The following GARIN1B variants were observed in gnomAD, a reference collection of about 807,000 sequenced individuals.
GARIN1B encodes the protein Golgi-associated RAB2 interactor protein 1B.
At chr7:128,713,179 C>T in the GARIN1B span, among the ~76,000 whole-genome samples, 1 of 151,930 alleles carries the variant, frequency 6.6e-6, no homozygotes, top group Non-Finnish European at 1.5e-5. Context: ...TGGTGCTGCA[C>T]GTTTGTAATC....
At chr7:128,713,910 G>GAAA in the GARIN1B span, 2 of 1,307,352 alleles carry the variant, frequency 1.5e-6, no homozygotes, top group Non-Finnish European at 2.1e-6. Flanking sequence ...TGTGCTGTGT[G>GAAA]TTCCCTTTCT....
the GARIN1B span, among the ~76,000 whole-genome samples, chr7:128,709,702 G>A: frequency 6.8e-6 from 1 of 148,116 alleles, no homozygotes; most frequent in African/African-American, 2.5e-5. Context: ...GTTTTCCAGT[G>A]GAAACCAGAA....
the GARIN1B span, chr7:128,714,227 A>C: frequency 1.6e-6 from 2 of 1,246,816 alleles, no homozygotes; most frequent in Non-Finnish European, 2.3e-6. Flanking sequence ...AATGATTGTC[A>C]AACTCTGTCT....
chr7:128,710,161 C>T, the GARIN1B span, among the ~76,000 whole-genome samples: 2 of 152,078 alleles, frequency 1.3e-5, no homozygotes, highest in African/African-American at 4.8e-5. Flanking sequence ...GTGATCTGCC[C>T]GCCTCAGCCT....
chr7:128,716,767 C>T, the GARIN1B span: 12 of 1,521,830 alleles, frequency 7.9e-6, no homozygotes, highest in Non-Finnish European at 9.8e-6. Context: ...AAACAGACTG[C>T]AGCTTTTGCC....
chr7:128,725,438 C>T, the GARIN1B span, among the ~76,000 whole-genome samples: 1 of 152,012 alleles, frequency 6.6e-6, no homozygotes, highest in Admixed American at 6.6e-5. Flanking sequence ...GCAGTGGCAT[C>T]TCAGCTCACT....
the GARIN1B span, among the ~76,000 whole-genome samples, chr7:128,723,890 G>A: frequency 6.6e-6 from 1 of 152,208 alleles, no homozygotes; most frequent in Admixed American, 6.5e-5. Context: ...CACACAGCAA[G>A]CATGGTGGGC....
the GARIN1B span, chr7:128,726,872 G>A: frequency 1.2e-6 from 2 of 1,613,794 alleles, no homozygotes; most frequent in Non-Finnish European, 1.7e-6. Context: ...AACAGCTCAG[G>A]TAAGGGAGGG....
chr7:128,712,195 G>A, the GARIN1B span, among the ~76,000 whole-genome samples: 1 of 152,096 alleles, frequency 6.6e-6, no homozygotes, highest in Non-Finnish European at 1.5e-5. Context: ...AAAGCTTCAG[G>A]GCCTCTAATT....
chr7:128,719,176 C>A, the GARIN1B span: 1 of 1,376,684 alleles, frequency 7.3e-7, no homozygotes, highest in Non-Finnish European at 1.0e-6. Flanking sequence ...TGAAGGTGAT[C>A]TCAGTGTGAG....
the GARIN1B span, among the ~76,000 whole-genome samples, chr7:128,719,237 C>A: frequency 6.6e-6 from 1 of 151,860 alleles, no homozygotes; most frequent in East Asian, 1.9e-4. Context: ...TAAAATCCAC[C>A]ATTGTGGATT....
At chr7:128,717,111 T>C in the GARIN1B span, 1 of 1,008,794 alleles carries the variant, frequency 9.9e-7, no homozygotes, top group South Asian at 1.8e-5. Context: ...GCAGTGACAT[T>C]GATTTTTTTA....
chr7:128,729,009 G>A, the GARIN1B span, among the ~76,000 whole-genome samples: 1 of 152,200 alleles, frequency 6.6e-6, no homozygotes. Context: ...ACAGATGTGA[G>A]GAATATTTCA....
chr7:128,715,578 C>T, the GARIN1B span: 33 of 1,613,962 alleles, frequency 2.0e-5, no homozygotes, highest in East Asian at 1.6e-4. Context: ...GATGGAGAGC[C>T]GAACCCTGGA....
At chr7:128,727,938 C>T in the GARIN1B span, among the ~76,000 whole-genome samples, 1 of 152,204 alleles carries the variant, frequency 6.6e-6, no homozygotes, top group Non-Finnish European at 1.5e-5. Flanking sequence ...CAATTATCCA[C>T]AGCATGAAGC....
chr7:128,729,785 CG>C, the GARIN1B span: 22 of 1,082,058 alleles, frequency 2.0e-5, no homozygotes, highest in Non-Finnish European at 3.0e-5. Flanking sequence ...CATGAATGCA[CG>C]TAATTGTTTG....
At chr7:128,726,895 T>C in the GARIN1B span, 1 of 1,608,480 alleles carries the variant, frequency 6.2e-7, no homozygotes, top group Non-Finnish European at 8.5e-7. Context: ...CAGGGTACCA[T>C]GCCTCAAAGA....
At chr7:128,721,253 G>A in the GARIN1B span, among the ~76,000 whole-genome samples, 6 of 152,184 alleles carry the variant, frequency 3.9e-5, no homozygotes, top group Non-Finnish European at 4.4e-5. Flanking sequence ...CTCCCAAAGT[G>A]CTGGGAGCCA....
chr7:128,717,058 T>C, the GARIN1B span: 5 of 1,452,636 alleles, frequency 3.4e-6, no homozygotes, highest in Non-Finnish European at 4.7e-6. Flanking sequence ...AAAGTGGAGG[T>C]TGCTTGACTA....
Sources: gnomAD v4.1 joint callset for allele counts (sites outside exome capture counted in the v4.1 genomes callset) on GRCh38, gnomAD v4.1.1 for gene constraint, MANE v1.5 for transcripts, NCBI Gene and HGNC (gene_info 2026-07-23, HGNC 2026-07-21) for gene names.